Variants in FREM2 observed in about 807,000 individuals in gnomAD.
FREM2 encodes FRAS1-related extracellular matrix protein 2.
FREM2 carries 119 observed loss-of-function variants against 219.9 expected under a neutral mutation model. The observed-to-expected ratio is 0.54, with a 90% CI of 0.47 to 0.63. The LOEUF is 0.63. FREM2 is among the 30% of genes least tolerant of loss of function. The pLI, the probability that FREM2 is intolerant of heterozygous loss-of-function variation, is 0.00. For synonymous variants in FREM2, 1,562 were observed against 1,522.8 expected (o/e 1.03, Z -0.60); for missense variants, 4,030 against 3,993.6 (o/e 1.01, Z -0.25).
intron 6 of FREM2, among the ~76,000 whole-genome samples, chr13:38,805,818 C>T (rs182409842): frequency 7.3e-5 from 11 of 151,694 alleles, no homozygotes; most frequent in East Asian, 4.0e-4. Context: ...TGAAAATGTG[C>T]GGTATTAAGT....
chr13:38,751,081 T>C (rs1872734399), intron 2 of FREM2, among the ~76,000 whole-genome samples: 1 of 152,144 alleles, frequency 6.6e-6, no homozygotes, highest in Admixed American at 6.6e-5. Flanking sequence ...GTCTCAGCCA[T>C]TGTAAATAAC....
At chr13:38,732,427 A>G (rs770964580) in intron 2 of FREM2, among the ~76,000 whole-genome samples, 7 of 152,116 alleles carry the variant, frequency 4.6e-5, no homozygotes, top group Non-Finnish European at 1.0e-4. Flanking sequence ...TTTACTTAAT[A>G]AACTACTTTA....
At chr13:38,712,838 T>G (rs1359242499) in intron 2 of FREM2, among the ~76,000 whole-genome samples, 1 of 152,196 alleles carries the variant, frequency 6.6e-6, no homozygotes, top group Admixed American at 6.5e-5. Context: ...CTGAAAATAT[T>G]TTATTACTTA....
intron 6 of FREM2, among the ~76,000 whole-genome samples, chr13:38,807,575 T>A (rs1228854910): frequency 6.6e-6 from 1 of 151,918 alleles, no homozygotes; most frequent in African/African-American, 2.4e-5. Context: ...ATGGATGTTA[T>A]ATTAGCATAT....
At chr13:38,781,537 G>C (rs1333005416) in intron 4 of FREM2, among the ~76,000 whole-genome samples, 4 of 151,556 alleles carry the variant, frequency 2.6e-5, no homozygotes, top group African/African-American at 9.7e-5. Flanking sequence ...CAAGGATTTT[G>C]TTACTTCTGT....
intron 6 of FREM2, among the ~76,000 whole-genome samples, chr13:38,788,961 T>A (rs1874441780): frequency 6.6e-6 from 1 of 152,120 alleles, no homozygotes; most frequent in South Asian, 2.1e-4. Flanking sequence ...CATTTTTAGA[T>A]TTACTAGTGT....
chr13:38,725,653 G>A (rs9576603), intron 2 of FREM2, among the ~76,000 whole-genome samples: 18,284 of 152,190 alleles, frequency 0.12, 1,293 homozygotes, highest in Middle Eastern at 0.24. Context: ...GAGGAACTGA[G>A]TGGAAGCCTG....
chr13:38,836,449 C>T (rs1876710932), intron 6 of FREM2, among the ~76,000 whole-genome samples: 1 of 152,172 alleles, frequency 6.6e-6, no homozygotes, highest in Non-Finnish European at 1.5e-5. Context: ...CAGGATGATG[C>T]TGGCCTCATG....
At chr13:38,793,590 T>C (rs1246660948) in intron 6 of FREM2, among the ~76,000 whole-genome samples, 1 of 152,214 alleles carries the variant, frequency 6.6e-6, no homozygotes, top group African/African-American at 2.4e-5. Flanking sequence ...TGTTTCATTC[T>C]TGCAATAGAA....
At chr13:38,797,233 A>T (rs1224739132) in intron 6 of FREM2, among the ~76,000 whole-genome samples, 1 of 150,998 alleles carries the variant, frequency 6.6e-6, no homozygotes, top group African/African-American at 2.4e-5. Flanking sequence ...AGAGGGTGTG[A>T]GTTCTCTTTT....
At chr13:38,796,011 T>G (rs904554622) in intron 6 of FREM2, among the ~76,000 whole-genome samples, 1 of 151,714 alleles carries the variant, frequency 6.6e-6, no homozygotes, top group African/African-American at 2.4e-5. Flanking sequence ...TCTTTCTTTC[T>G]TTCTTTTTTT....
chr13:38,719,726 G>A (rs924259170), intron 2 of FREM2, among the ~76,000 whole-genome samples: 23 of 152,046 alleles, frequency 1.5e-4, no homozygotes, highest in Non-Finnish European at 2.8e-4. Context: ...TATTCCATGG[G>A]TCAGAACATG....
intron 2 of FREM2, among the ~76,000 whole-genome samples, chr13:38,731,067 A>G: frequency 6.6e-6 from 1 of 152,226 alleles, no homozygotes; most frequent in African/African-American, 2.4e-5. Flanking sequence ...CTCATTGTTC[A>G]ATTTCTGTCT....
intron 4 of FREM2, among the ~76,000 whole-genome samples, chr13:38,776,554 CA>C (rs1873875649): frequency 1.3e-5 from 2 of 152,098 alleles, no homozygotes; most frequent in African/African-American, 4.8e-5. Flanking sequence ...TTACAAATTG[CA>C]GTACTCATTA....
At chr13:38,755,988 G>A (rs1872982427) in intron 2 of FREM2, among the ~76,000 whole-genome samples, 1 of 152,152 alleles carries the variant, frequency 6.6e-6, no homozygotes, top group Non-Finnish European at 1.5e-5. Flanking sequence ...TCATGGCCAG[G>A]GACAGATGGC....
chr13:38,879,060 A>G, intron 23 of FREM2, 83 bp downstream of exon 23: 1 of 1,239,904 alleles, frequency 8.1e-7, no homozygotes, highest in Non-Finnish European at 1.2e-6. Flanking sequence ...GATGTCTCAT[A>G]TGTAAATAGC....
Position 38,718,384 on chromosome 13 carries a change from A to G in FREM2, c.5263+20597A>G, listed in dbSNP as rs144301743. 5.5e-3 allele frequency among the ~76,000 whole-genome samples: 831 copies of G among 152,326 alleles called. 16 individuals carry two copies. Among genetic ancestry groups the G allele is most frequent in the African/African-American group, 0.019 (784 of 41,570 alleles). On this transcript the variant is annotated intron_variant, in intron 2 of 23. Coordinates refer to ENST00000280481, the MANE Select transcript of FREM2 (RefSeq NM_207361.6). Reference sequence around the variant, plus strand: ...ATCCATTTGCCTTCTCCTACTGTGAACAGGTGAAATCGAGCTGCATTCTTA... The same window carrying G: ...ATCCATTTGCCTTCTCCTACTGTGAGCAGGTGAAATCGAGCTGCATTCTTA...
rs751945377 is a variant in FREM2 at position 38,691,536 on chromosome 13, G to A, written c.4192G>A (p.Val1398Met). 8.7e-6 allele frequency: 14 copies of A among 1,614,022 alleles called. No individual in the cohort carries two copies. Among genetic ancestry groups the A allele is most frequent in the Non-Finnish European group, 8.5e-6 (10 of 1,180,038 alleles). The change falls in exon 1 of 24, where the codon GTG becomes ATG. Residue 1398 changes from valine to methionine, a missense_variant. By Grantham distance (21) the Val-to-Met change is conservative. Transcript: ENST00000280481. ...CATTCGGGACCTAATTAAATTTGAT[G>A]TGACTGATGGAATAAATCCCCTCAT... ...EGIRDLIKFD[V>M]TDGINPLIDR...
chr13:38,772,719 G>A (rs7318983), intron 4 of FREM2, among the ~76,000 whole-genome samples: 16,741 of 150,312 alleles, frequency 0.11, 2,153 homozygotes, highest in African/African-American at 0.31. Flanking sequence ...TTTTTTAGAC[G>A]GAGTTTCGCT....
Sources: gnomAD v4.1 joint callset for allele counts (sites outside exome capture counted in the v4.1 genomes callset) on GRCh38, gnomAD v4.1.1 for gene constraint, MANE v1.5 for transcripts, NCBI Gene and HGNC (gene_info 2026-07-23, HGNC 2026-07-21) for gene names.